The following TTLL3 variants were observed in gnomAD, a reference collection of about 807,000 sequenced individuals.
The protein encoded by TTLL3 is tubulin monoglycylase TTLL3.
TTLL3 carries 63 observed loss-of-function variants against 75.2 expected under a neutral mutation model. That is an observed-to-expected ratio of 0.84 (90% CI 0.68 to 1.03). TTLL3 has a LOEUF of 1.03. Among genes scored for constraint, TTLL3 ranks in the 50% least tolerant of loss-of-function variants. TTLL3 has a pLI of 0.00. For synonymous variants in TTLL3, 393 were observed against 418.5 expected, an observed-to-expected ratio of 0.94 and a Z score of 0.74; for missense variants, 997 against 1,069.9, an observed-to-expected ratio of 0.93 and a Z score of 0.95.
chr3:9,821,057 A>G, intron 8 of TTLL3: 1 of 338,920 alleles, frequency 3.0e-6, no homozygotes, highest in Non-Finnish European at 5.4e-6. Flanking sequence ...TTTGTGGTCC[A>G]TCACATTTGG....
intron 11 of TTLL3, among the ~76,000 whole-genome samples, chr3:9,831,796 A>ATTTTTT (rs35972221): frequency 1.6e-5 from 2 of 123,626 alleles, no homozygotes; most frequent in Non-Finnish European, 3.3e-5. Context: ...TTTTTATTTG[A>ATTTTTT]TTTTTTTTTT....
chr3:9,823,268 T>C (rs544945122), intron 8 of TTLL3, among the ~76,000 whole-genome samples: 2,249 of 151,958 alleles, frequency 0.015, 17 homozygotes, highest in Non-Finnish European at 0.023. Context: ...CCTGTAGTCC[T>C]AGCTACTCGG....
rs753073241 is a variant in TTLL3, at chr3:9,829,265, C to T, written c.1553C>T (p.Thr518Met). 30 of 1,614,082 alleles carry T rather than the reference C, an allele frequency of 1.9e-5. No individual in the cohort carries two copies. Among genetic ancestry groups the T allele is most frequent in the South Asian group, 1.1e-4 (10 of 91,094 alleles). Residue 518 changes from threonine to methionine, a missense_variant, in exon 11 of 14, where the codon ACG becomes ATG. Transcript: ENST00000685419. ...PWLIEINASP[T>M]MAPSTAVTAR... ...CTGATTGAGATCAACGCCAGCCCCA[C>T]GATGGCACCCTCCACAGCAGTCACT...
intron 12 of TTLL3, chr3:9,834,350 C>G (rs1029970088): frequency 1.9e-6 from 1 of 534,236 alleles, no homozygotes; most frequent in Non-Finnish European, 3.6e-6. Context: ...ACAGTTTGCC[C>G]CATACCGCTA....
intron 6 of TTLL3, chr3:9,818,085 CA>C (rs1162403885): frequency 9.1e-6 from 2 of 219,624 alleles, no homozygotes; most frequent in Non-Finnish European, 1.8e-5. Context: ...AATTGGGTTC[CA>C]AAAAAGGCTG....
At position 9,813,079 on chromosome 3, in the gene TTLL3, C is replaced by T. The variant is rs2079499699; in HGVS notation, c.185C>T (p.Ser62Leu). 1.3e-6 allele frequency: 2 copies of T among 1,582,476 alleles called. No individual in the cohort carries two copies. Among genetic ancestry groups the T allele is most frequent in the Non-Finnish European group, 1.7e-6 (2 of 1,161,632 alleles). ...CCACCCCAGAAGGATCTGGATAGCT[C>T]AGCGATGGGTGACAGTGACACCACT... ...LLPPQKDLDSSAMGDSDTTED... is the reference protein window; with the variant it reads ...LLPPQKDLDSLAMGDSDTTED... Residue 62 changes from serine to leucine, a missense_variant, in exon 3 of 14, where the codon TCA becomes TTA. Transcript: ENST00000685419.
At chr3:9,834,411 T>C in intron 12 of TTLL3, 1 of 652,346 alleles carries the variant, frequency 1.5e-6, no homozygotes, top group South Asian at 1.5e-5. Context: ...TAGGTGCTAT[T>C]ATCCCCATTT....
Position 9,835,417 on chromosome 3 carries a change from C to T in TTLL3, c.2376C>T (p.Asp792=), listed in dbSNP as rs200554451. The part of the protein sequence containing the change: ...KKKQVKYLGL[D]SIAVGGSRVD... ...AACAAGTGAAGTATTTGGGGCTTGA[C>T]TCCATTGCTGTTGGAGGGTCAAGAG... The change falls in exon 14 of 14, where the codon GAC becomes GAT. Residue 792 remains aspartate (D), a synonymous_variant. Transcript: ENST00000685419. The T allele has an allele frequency of 1.9e-6, 3 of 1,612,998 alleles. No individual in the cohort carries two copies. Among genetic ancestry groups the T allele is most frequent in the Non-Finnish European group, 1.7e-6 (2 of 1,180,006 alleles).
At chr3:9,819,980 G>T in intron 7 of TTLL3, 2 of 987,350 alleles carry the variant, frequency 2.0e-6, no homozygotes, top group African/African-American at 1.7e-5. Flanking sequence ...GGGTGAGTCA[G>T]GTCTGTAGAT....
At chr3:9,827,391 T>C (rs570442956) in intron 10 of TTLL3, 151 bp downstream of exon 10, 1 of 1,392,278 alleles carries the variant, frequency 7.2e-7, no homozygotes, top group East Asian at 2.5e-5. Flanking sequence ...CCAGCTGTCC[T>C]TGCATCCAAC....
chr3:9,822,606 C>G (rs2080558169), intron 8 of TTLL3, among the ~76,000 whole-genome samples: 1 of 151,532 alleles, frequency 6.6e-6, no homozygotes, highest in South Asian at 2.1e-4. Context: ...TCACTGCAAC[C>G]TCTGCCTCCC....
At chr3:9,812,870 T>C (rs1201703567) in intron 2 of TTLL3, 73 bp from the exon 3 acceptor site, 5 of 1,404,490 alleles carry the variant, frequency 3.6e-6, no homozygotes, top group African/African-American at 1.4e-5. Context: ...AACTGTCTGG[T>C]TCACCTTTAT....
At position 9,810,628 on chromosome 3, in the gene TTLL3, G is replaced by C. The variant is rs1238339947; in HGVS notation, c.-34G>C. On this transcript the variant is annotated 5_prime_UTR_variant, in exon 2 of 14. Transcript: ENST00000685419. This position sits in a 1 kb window ranked among gnomAD's most constrained non-coding sequence, Gnocchi z 4.4. ...TTCCGCATCTTTCTGCAGGTTTCCCGGTCCTCTGGCGAGGATCCTCCAAGG... is the reference window on the plus strand; with the variant it reads ...TTCCGCATCTTTCTGCAGGTTTCCCCGTCCTCTGGCGAGGATCCTCCAAGG... 8 of 1,567,180 alleles carry C rather than the reference G, an allele frequency of 5.1e-6. No homozygotes were observed. The highest frequency in any genetic ancestry group is 8.7e-7 in the Non-Finnish European group (1 of 1,155,484).
intron 6 of TTLL3, 39 bp from the exon 7 acceptor site, chr3:9,818,782 GC>G (rs34406451): frequency 6.2e-7 from 1 of 1,613,706 alleles, no homozygotes; most frequent in Non-Finnish European, 8.5e-7. Flanking sequence ...CAGGCCTCAA[GC>G]CTAGGGGCTG....
Position 9,817,491 on chromosome 3 carries a change from C to T in TTLL3, c.445-154C>T, listed in dbSNP as rs116049032. ...GGCATTCTTGGCAAAGGACACCTCC[C>T]AGGCAAATATATGGTGATAGATGTG... On this transcript the variant is annotated intron_variant, in intron 5 of 13. Coordinates refer to ENST00000685419, the MANE Select transcript of TTLL3 (RefSeq NM_001387446.1). The T allele has an allele frequency of 1.1e-4, 108 of 985,254 alleles. No individual in the cohort carries two copies. In the African/African-American group the frequency reaches 1.8e-3, roughly 16 times the overall value. 61.0% of individuals were successfully genotyped at this position (985,254 alleles called of 1,614,324 possible).
At chr3:9,826,588 C>T (rs1325986310) in intron 9 of TTLL3, among the ~76,000 whole-genome samples, 1 of 151,846 alleles carries the variant, frequency 6.6e-6, no homozygotes, top group Non-Finnish European at 1.5e-5. Flanking sequence ...CAAAAATTGG[C>T]CACGTGTGGT....
chr3:9,813,326 A>G lies in TTLL3; in HGVS notation c.296A>G (p.Asp99Gly), dbSNP rs148268559. The change falls in exon 4 of 14, where the codon GAT becomes GGT. Residue 99 changes from aspartate (D) to glycine (G), a missense_variant. By Grantham distance (94) the Asp-to-Gly change is moderately conservative. Transcript: ENST00000685419. ...GATTTACTGAAATTTGATGACCTAG[A>G]TGGAACACATGCTCTGATGGTGAGG... is the stretch of plus-strand genomic sequence containing the variant. ...FDDLLKFDDL[D>G]GTHALMSRMV... is the part of the protein sequence containing the mutation. 1 of 1,614,206 alleles carries G rather than the reference A, an allele frequency of 6.2e-7. No homozygotes were observed. Among genetic ancestry groups the G allele is most frequent in the South Asian group, 1.1e-5 (1 of 91,084 alleles).
At chr3:9,816,001 G>T in intron 4 of TTLL3, 73 bp from the exon 5 acceptor site, 1 of 1,268,156 alleles carries the variant, frequency 7.9e-7, no homozygotes. Context: ...TGCTCAGCAG[G>T]GCAGGGAGAG....
intron 10 of TTLL3, 120 bp downstream of exon 10, chr3:9,827,360 G>A (rs1325264591): frequency 6.8e-7 from 1 of 1,480,764 alleles, no homozygotes; most frequent in African/African-American, 1.4e-5. Context: ...ACAGACTGCA[G>A]GCAGGCAGGC....
Sources: gnomAD v4.1 joint callset for allele counts (sites outside exome capture counted in the v4.1 genomes callset) on GRCh38, gnomAD v4.1.1 for gene constraint, Gnocchi (gnomAD v3.1) non-coding constraint, MANE v1.5 for transcripts, NCBI Gene and HGNC (gene_info 2026-07-23, HGNC 2026-07-21) for gene names.